The following KIRREL2 variants were observed in gnomAD, a reference collection of about 807,000 sequenced individuals.
KIRREL2 encodes kirre like nephrin family adhesion molecule 2.
KIRREL2 carries 56 observed loss-of-function variants against 73.4 expected under a neutral mutation model. The ratio of observed to expected loss-of-function variants is 0.76; its 90% confidence interval spans 0.62 to 0.95. The LOEUF is 0.95. Among genes scored for constraint, KIRREL2 ranks in the 40% least tolerant of loss-of-function variants. The probability of loss-of-function intolerance (pLI) is 0.00; values close to 1 mark genes in which losing one functional copy is unlikely to be tolerated. For synonymous variants in KIRREL2, 407 were observed against 404.0 expected (o/e 1.01, Z -0.09); for missense variants, 896 against 935.0 (o/e 0.96, Z 0.54).
At chr19:35,852,565 C>T (rs560366485), upstream of KIRREL2, among the ~76,000 whole-genome samples, 96 of 152,044 alleles carry the variant, frequency 6.3e-4, no homozygotes, top group African/African-American at 1.9e-3. Flanking sequence ...GCCCAGCAGG[C>T]TCCTCCCAGC....
chr19:35,859,456 T>A (rs770898174), intron 4 of KIRREL2, 25 bp from the exon 5 acceptor site: 9 of 1,607,164 alleles, frequency 5.6e-6, no homozygotes, highest in Non-Finnish European at 7.7e-6. Context: ...GTAGATGGCA[T>A]TATTATTCTT....
chr19:35,866,484 C>T lies in KIRREL2; in HGVS notation c.2119C>T (p.His707Tyr). 6.2e-7 allele frequency: 1 copy of T among 1,613,478 alleles called. No individual in the cohort carries two copies. ...PTPSHPRLQT[H>Y]V ...ACCTAGCCACCCGCGTCTCCAGACT[C>T]ACGTGTGACATCTTTCCAATGGAAG... Residue 707 changes from histidine to tyrosine, a missense_variant, in exon 15 of 15, where the codon CAC becomes TAC. Physicochemically the swap from His to Tyr is moderately conservative, Grantham distance 83. Coordinates refer to ENST00000360202, the MANE Select transcript of KIRREL2 (RefSeq NM_199180.4).
chr19:35,860,324 C>G lies in KIRREL2; in HGVS notation c.701C>G (p.Ser234Trp). 1 of 1,614,038 alleles carries G rather than the reference C, an allele frequency of 6.2e-7. No homozygotes were observed. The highest frequency in any genetic ancestry group is 8.5e-7 in the Non-Finnish European group (1 of 1,180,006). ...CCCCCAGAGGTGACTCTGTCTGCTT[C>G]GCCACACACTGTGCAGGAGGGAGAG... The part of the protein sequence containing the change: ...QYPPEVTLSA[S>W]PHTVQEGEKV... Residue 234 changes from serine to tryptophan, a missense_variant, in exon 6 of 15, where the codon TCG (serine) becomes TGG (tryptophan). Coordinates refer to ENST00000360202, the MANE Select transcript of KIRREL2 (RefSeq NM_199180.4).
intron 11 of KIRREL2, 68 bp from the exon 12 acceptor site, chr19:35,862,425 C>T: frequency 8.3e-7 from 1 of 1,201,952 alleles, no homozygotes; most frequent in Admixed American, 1.7e-5. Flanking sequence ...ATCCCAAACT[C>T]AATCCCTGAG....
intron 11 of KIRREL2, among the ~76,000 whole-genome samples, 170 bp from the exon 12 acceptor site, chr19:35,862,323 A>G (rs533690696): frequency 3.0e-4 from 45 of 152,300 alleles, no homozygotes; most frequent in African/African-American, 8.7e-4. Flanking sequence ...AGACTCCCTA[A>G]AGCCAGGGAG....
chr19:35,863,578 G>C (rs1174191705), intron 13 of KIRREL2, among the ~76,000 whole-genome samples: 1 of 151,718 alleles, frequency 6.6e-6, no homozygotes, highest in Admixed American at 6.6e-5. Flanking sequence ...TCAGCCTCCT[G>C]AGTAGCTGCG....
At chr19:35,852,007 A>ATC (rs1218960259), upstream of KIRREL2, among the ~76,000 whole-genome samples, 4 of 149,898 alleles carry the variant, frequency 2.7e-5, no homozygotes, top group Non-Finnish European at 5.9e-5. Flanking sequence ...CCCTGTGAGT[A>ATC]TCTCTCTCTG....
At chr19:35,857,219 T>TTTGGGGGGGGGGGG in intron 1 of KIRREL2, 39 bp downstream of exon 1, 1 of 631,740 alleles carries the variant, frequency 1.6e-6, no homozygotes, top group Non-Finnish European at 2.3e-6. Flanking sequence ...GGGGTGGGGG[T>TTTGGGGGGGGGGGG]GGGGAGTTGC....
In KIRREL2 at chr19:35,856,995, C is replaced by G. The variant is rs1973445934; in HGVS notation, c.-125C>G. ...GACTTGGAGGACTCCAGGCCAGAGA[C>G]TAGGCTGGGCGAAGAGTCGAGCGTG... On this transcript the variant is annotated 5_prime_UTR_variant, in exon 1 of 15. Transcript: ENST00000360202. This position sits in a 1 kb window ranked among gnomAD's most constrained non-coding sequence, Gnocchi z 5.9. 3 of 978,972 alleles carry G rather than the reference C, an allele frequency of 3.1e-6. No homozygotes were observed. Among genetic ancestry groups the G allele is most frequent in the Non-Finnish European group, 4.9e-6 (3 of 614,584 alleles). The allele number at this position is 978,972 out of a possible 1,614,324, so 60.6% of individuals were successfully genotyped here.
chr19:35,857,219 T>TATTTGGGGGGGGGGGG, intron 1 of KIRREL2, 39 bp downstream of exon 1: 9 of 631,654 alleles, frequency 1.4e-5, no homozygotes, highest in Non-Finnish European at 2.1e-5. Context: ...GGGGTGGGGG[T>TATTTGGGGGGGGGGGG]GGGGAGTTGC....
intron 11 of KIRREL2, 53 bp from the exon 12 acceptor site, chr19:35,862,440 C>T (rs534667581): frequency 3.0e-6 from 4 of 1,347,332 alleles, no homozygotes; most frequent in South Asian, 2.3e-5. Flanking sequence ...CCTGAGCCCC[C>T]GCTTCCTGGT....
intron 14 of KIRREL2, among the ~76,000 whole-genome samples, chr19:35,865,852 G>C (rs149066902): frequency 1.1e-4 from 17 of 152,278 alleles, no homozygotes; most frequent in South Asian, 4.1e-4. Context: ...AAGCCTAGAG[G>C]CTGTTGGGCA....
chr19:35,859,333 T>A (rs1297280954), intron 4 of KIRREL2, 148 bp from the exon 5 acceptor site: 9 of 703,824 alleles, frequency 1.3e-5, no homozygotes, highest in Non-Finnish European at 2.1e-5. Flanking sequence ...ATTATGAGAC[T>A]TTTTTGTAAT....
chr19:35,859,874 G>A (rs1293015288), intron 5 of KIRREL2, among the ~76,000 whole-genome samples: 2 of 152,098 alleles, frequency 1.3e-5, no homozygotes, highest in African/African-American at 2.4e-5. Context: ...TCGAAACCCC[G>A]TCTCTACTAA....
chr19:35,853,908 G>C (rs1266069256), upstream of KIRREL2, among the ~76,000 whole-genome samples: 2 of 144,232 alleles, frequency 1.4e-5, no homozygotes, highest in Non-Finnish European at 3.0e-5. Flanking sequence ...GCAATGGTGC[G>C]ATGTTGGCTC....
In KIRREL2 at chr19:35,858,497, T is replaced by C. The variant is rs1223461758; in HGVS notation, c.301T>C (p.Tyr101His). Reference sequence around the variant, plus strand: ...CGTGGAGCTAGAGGATGAAGCATCATATGAATGTCAGGCTACACAAGCAGG... The same window carrying C: ...CGTGGAGCTAGAGGATGAAGCATCACATGAATGTCAGGCTACACAAGCAGG... ...RPVELEDEASYECQATQAGLR... is the reference protein window; with the variant it reads ...RPVELEDEASHECQATQAGLR... The change falls in exon 3 of 15, where the codon TAT becomes CAT. Residue 101 changes from tyrosine to histidine, a missense_variant. Tyr to His is a moderately conservative substitution (Grantham distance 83). Coordinates refer to ENST00000360202, the MANE Select transcript of KIRREL2 (RefSeq NM_199180.4). The C allele has an allele frequency of 6.2e-7, 1 of 1,614,128 alleles. No homozygotes were observed. Among genetic ancestry groups the C allele is most frequent in the South Asian group, 1.1e-5 (1 of 91,082 alleles).
upstream of KIRREL2, among the ~76,000 whole-genome samples, chr19:35,855,129 A>T (rs1297170948): frequency 6.6e-6 from 1 of 151,678 alleles, no homozygotes; most frequent in African/African-American, 2.4e-5. Context: ...CTTCCCTCAC[A>T]TGCTTGACTC....
chr19:35,866,252 C>CCCCCTTGGG lies in KIRREL2; in HGVS notation c.1892_1900dup (p.Leu631_Pro633dup). 6.2e-7 allele frequency: 1 copy of CCCCCTTGGG among 1,608,600 alleles called. No individual in the cohort carries two copies. Among genetic ancestry groups the CCCCCTTGGG allele is most frequent in the South Asian group, 1.1e-5 (1 of 90,978 alleles). ...GAGGTCTCTTCCTGCCACCACCCTCCCCCCTTGGGCCCCCAGGGACCCCTA... is the reference window on the plus strand; with the variant it reads ...GAGGTCTCTTCCTGCCACCACCCTCCCCCCTTGGGCCCCTTGGGCCCCCAGGGACCCCTA... On this transcript the variant is annotated inframe_insertion, in exon 15 of 15. Transcript: ENST00000360202.
At chr19:35,856,710 A>C, upstream of KIRREL2, 1 of 348,108 alleles carries the variant, frequency 2.9e-6, no homozygotes, top group Non-Finnish European at 5.5e-6. This position sits in a 1 kb window ranked among gnomAD's most constrained non-coding sequence, Gnocchi z 5.9. Context: ...CCCAGCCGGG[A>C]CCCCCTCCCT....
Sources: allele counts gnomAD v4.1 joint callset (sites outside exome capture counted in the v4.1 genomes callset), GRCh38; gene constraint gnomAD v4.1.1; non-coding constraint Gnocchi (gnomAD v3.1); transcripts MANE v1.5; gene names NCBI Gene and HGNC (gene_info 2026-07-23, HGNC 2026-07-21).